The following CCDC7 variants were observed in gnomAD, a reference collection of about 807,000 sequenced individuals.
CCDC7 encodes the protein coiled-coil domain containing 7, also known as coiled-coil domain-containing protein 7.
Under a neutral mutation model 196.9 loss-of-function variants are expected in CCDC7, and 183 were observed. The observed-to-expected ratio is 0.93, with a 90% CI of 0.82 to 1.05. CCDC7 has a LOEUF of 1.05. Among genes scored for constraint, CCDC7 ranks in the 50% least tolerant of loss-of-function variants. The pLI is 0.00. For synonymous variants in CCDC7, 525 were observed against 484.6 expected (o/e 1.08, Z -1.10); for missense variants, 1,540 against 1,482.2 (o/e 1.04, Z -0.64).
At chr10:32,700,995 C>T (rs2078616204) in intron 24 of CCDC7, among the ~76,000 whole-genome samples, 1 of 152,202 alleles carries the variant, frequency 6.6e-6, no homozygotes, top group Admixed American at 6.5e-5. Context: ...AGGATGTCAT[C>T]TGCAAACAGG....
chr10:32,481,546 A>G (rs1309733166), intron 8 of CCDC7, among the ~76,000 whole-genome samples: 3 of 152,194 alleles, frequency 2.0e-5, no homozygotes. Context: ...TTCTGTAGAC[A>G]TAAGTGATTT....
chr10:32,723,323 G>A (rs2082673366), intron 25 of CCDC7, among the ~76,000 whole-genome samples: 1 of 152,192 alleles, frequency 6.6e-6, no homozygotes, highest in East Asian at 1.9e-4. Flanking sequence ...ATACCGATTT[G>A]TCATCAGTTA....
At chr10:32,677,100 T>A (rs1172668051) in intron 21 of CCDC7, among the ~76,000 whole-genome samples, 1 of 150,132 alleles carries the variant, frequency 6.7e-6, no homozygotes, top group Non-Finnish European at 1.5e-5. Flanking sequence ...TCATTCTCAG[T>A]AAACTATTGC....
At chr10:32,771,985 T>C (rs886454714) in intron 28 of CCDC7, among the ~76,000 whole-genome samples, 36 of 152,212 alleles carry the variant, frequency 2.4e-4, no homozygotes, top group African/African-American at 8.7e-4. Flanking sequence ...CCTTATGTTG[T>C]CCAGGGTGGG....
intron 28 of CCDC7, among the ~76,000 whole-genome samples, chr10:32,750,347 T>C (rs1477317784): frequency 1.3e-5 from 2 of 152,152 alleles, no homozygotes; most frequent in African/African-American, 4.8e-5. Context: ...GACATACTCT[T>C]TACAAAGGAG....
rs1589072684 is a variant in CCDC7 at position 32,486,128 on chromosome 10, G to A, written c.797-5794G>A. 2.6e-5 allele frequency among the ~76,000 whole-genome samples: 4 copies of A among 152,290 alleles called. No individual in the cohort carries two copies. In the South Asian group the frequency reaches 8.3e-4, roughly 32 times the overall value. ...AGTCTCCCATTATTATTGTGTGGGAGTCTACATCTCTTTCTAGGTCTCCAA... is the reference window on the plus strand; with the variant it reads ...AGTCTCCCATTATTATTGTGTGGGAATCTACATCTCTTTCTAGGTCTCCAA... On this transcript the variant is annotated intron_variant, in intron 8 of 41. Coordinates refer to ENST00000639629, the Ensembl canonical transcript of CCDC7.
intron 23 of CCDC7, among the ~76,000 whole-genome samples, chr10:32,691,576 T>C (rs2077086657): frequency 6.6e-6 from 1 of 152,218 alleles, no homozygotes; most frequent in South Asian, 2.1e-4. Flanking sequence ...TTAATTGAGC[T>C]AGTAAAGGCT....
chr10:32,616,529 A>C (rs11008999), intron 18 of CCDC7, among the ~76,000 whole-genome samples: 5,638 of 150,642 alleles, frequency 0.037, 145 homozygotes, highest in Non-Finnish European at 0.05. Flanking sequence ...ACTTTTCCGA[A>C]TTGATTTATC....
intron 28 of CCDC7, among the ~76,000 whole-genome samples, chr10:32,765,941 C>T (rs1229611954): frequency 2.0e-5 from 3 of 152,108 alleles, no homozygotes; most frequent in African/African-American, 7.2e-5. Context: ...AATGCATCTT[C>T]ACTGTCCTAC....
intron 29 of CCDC7, among the ~76,000 whole-genome samples, chr10:32,789,359 T>A (rs2082336947): frequency 3.3e-5 from 5 of 151,534 alleles, no homozygotes; most frequent in Admixed American, 3.3e-4. Flanking sequence ...ATCAGGAAAA[T>A]AAGCAAAATG....
intron 24 of CCDC7, among the ~76,000 whole-genome samples, chr10:32,701,823 C>A (rs1016537252): frequency 6.6e-6 from 1 of 152,100 alleles, no homozygotes; most frequent in Non-Finnish European, 1.5e-5. Context: ...TTATAGTATT[C>A]TCTGATGGTA....
intron 30 of CCDC7, among the ~76,000 whole-genome samples, chr10:32,810,249 C>A (rs932130187): frequency 6.6e-6 from 1 of 151,984 alleles, no homozygotes; most frequent in African/African-American, 2.4e-5. Context: ...AAAACATGAG[C>A]AAACTGTATA....
chr10:32,769,490 T>C (rs1054419411), intron 28 of CCDC7, among the ~76,000 whole-genome samples: 14 of 152,200 alleles, frequency 9.2e-5, no homozygotes, highest in Admixed American at 2.6e-4. Flanking sequence ...TTATTTCTTT[T>C]TGAAATTATA....
chr10:32,814,934 C>T lies in CCDC7; in HGVS notation c.3181+481C>T, dbSNP rs963390820. ...GTGCCCTGCTAAAACCACTGTCATC[C>T]GAGGGAAACTGTTTGCATGCCCAAG... On this transcript the variant is annotated intron_variant, in intron 31 of 41. Transcript: ENST00000639629. Among the ~76,000 whole-genome samples the T allele has an allele frequency of 2.0e-4, 30 of 152,056 alleles. 1 individual carries two copies. The highest frequency in any genetic ancestry group is 3.4e-4 in the Non-Finnish European group (23 of 68,010).
intron 15 of CCDC7, among the ~76,000 whole-genome samples, 166 bp downstream of exon 16, chr10:32,568,057 A>C (rs1350916652): frequency 7.2e-6 from 1 of 139,102 alleles, no homozygotes; most frequent in East Asian, 2.1e-4. Flanking sequence ...GCCAGGCTAG[A>C]GTGCTATGGT....
intron 23 of CCDC7, among the ~76,000 whole-genome samples, chr10:32,694,565 TAATA>T (rs2077466193): frequency 6.6e-6 from 1 of 152,220 alleles, no homozygotes; most frequent in African/African-American, 2.4e-5. Context: ...ATATATGCTA[TAATA>T]AATAACATTG....
intron 8 of CCDC7, among the ~76,000 whole-genome samples, chr10:32,482,148 G>A (rs112625355): frequency 6.6e-6 from 1 of 150,782 alleles, no homozygotes; most frequent in African/African-American, 2.4e-5. Flanking sequence ...CACTCTTGAT[G>A]CTGTCCCATA....
chr10:32,719,392 TTAAACC>T (rs543509472), intron 25 of CCDC7, among the ~76,000 whole-genome samples: 6,030 of 152,244 alleles, frequency 0.04, 122 homozygotes, highest in Middle Eastern at 0.051. Flanking sequence ...GATTAAAGAC[TTAAACC>T]TAAGACCTAA....
intron 18 of CCDC7, among the ~76,000 whole-genome samples, chr10:32,602,258 G>A (rs527911554): frequency 3.3e-5 from 5 of 151,926 alleles, no homozygotes; most frequent in South Asian, 2.1e-4. Context: ...GCAAGACCAC[G>A]AACCCACCAG....
Sources: allele counts gnomAD v4.1 joint callset (sites outside exome capture counted in the v4.1 genomes callset), GRCh38; gene constraint gnomAD v4.1.1; transcripts MANE v1.5; gene names NCBI Gene and HGNC (gene_info 2026-07-23, HGNC 2026-07-21).